Variants in LSS observed in about 807,000 individuals in gnomAD.
LSS encodes the protein 2,3-epoxysqualene-lanosterol cyclase.
In LSS, 90 loss-of-function variants were observed where a neutral mutation model predicts 110.3. The ratio of observed to expected loss-of-function variants is 0.82; its 90% CI spans 0.69 to 0.97. The LOEUF (loss-of-function observed/expected upper bound fraction) is 0.97, where lower values mean the gene tolerates loss of function less well. Among genes scored for constraint, LSS ranks in the 50% least tolerant of loss-of-function variants. The pLI is 0.00. For missense variants in LSS, 927 were observed against 990.0 expected (o/e 0.94, Z 0.85); for synonymous variants, 433 against 400.0 (o/e 1.08, Z -0.98).
Position 46,190,584 on chromosome 21 carries a change from C to A in LSS, c.*520G>T, listed in dbSNP as rs2079796023. On this transcript the variant is annotated 3_prime_UTR_variant, in exon 22 of 22. Transcript: ENST00000397728. This position sits in a 1 kb window ranked among gnomAD's most constrained non-coding sequence, Gnocchi z 4.6. ...GGCCTCAGGATGCTCCATGAGCAAC[C>A]CCCGCACTGGGCTATTCACGGATGC... 1 of 160,170 alleles carries A rather than the reference C, an allele frequency of 6.2e-6. No homozygotes were observed. The highest frequency in any genetic ancestry group is 5.8e-5 in the Admixed American group (1 of 17,128). 9.9% of individuals were successfully genotyped at this position (160,170 alleles called of 1,614,324 possible).
intron 14 of LSS, among the ~76,000 whole-genome samples, chr21:46,207,946 C>T (rs2080075461): frequency 6.6e-6 from 1 of 152,262 alleles, no homozygotes; most frequent in African/African-American, 2.4e-5. Context: ...TACTTCTTTC[C>T]TCTGCCTTCC....
intron 19 of LSS, 43 bp from the exon 20 acceptor site, chr21:46,194,704 G>A (rs1601413370): frequency 6.3e-7 from 1 of 1,576,696 alleles, no homozygotes. Context: ...ACCAAGGAAG[G>A]TCCCAGACCC....
Position 46,219,549 on chromosome 21 carries a change from A to AG in LSS, c.573dup (p.Trp192LeufsTer29). 1 of 1,601,464 alleles carries AG rather than the reference A, an allele frequency of 6.2e-7. No individual in the cohort carries two copies. The highest frequency in any genetic ancestry group is 8.5e-7 in the Non-Finnish European group (1 of 1,173,996). On this transcript the variant is annotated frameshift_variant, in exon 6 of 22. Coordinates refer to ENST00000397728, the MANE Select transcript of LSS (RefSeq NM_002340.6). LOFTEE classifies it high-confidence loss of function. Reference sequence around the variant, plus strand: ...AGGACAGCCAGCCAGAACTTCCCCCAGGAGGGGATGGCCACAGCACCACCT... The same window carrying AG: ...AGGACAGCCAGCCAGAACTTCCCCCAGGGAGGGGATGGCCACAGCACCACCT...
rs377016169 is a variant in LSS at position 46,206,714 on chromosome 21, C to T, written c.1522G>A (p.Gly508Arg). The T allele has an allele frequency of 3.1e-6, 5 of 1,613,134 alleles. No individual in the cohort carries two copies. Among genetic ancestry groups the T allele is most frequent in the African/African-American group, 1.3e-5 (1 of 75,040 alleles). ...TTCAGCAGCTCCAGCAAGTGCCCCC[C>T]ACGCTTGGTCTCATAGGTGGCGAAC... ...GGFATYETKR[G>R]GHLLELLNPS... is the part of the protein sequence containing the mutation. The change falls in exon 16 of 22, where the codon GGG becomes AGG. Residue 508 changes from glycine (G) to arginine (R), a missense_variant. By Grantham distance (125) the Gly-to-Arg change is moderately radical (BLOSUM62 -2). Transcript: ENST00000397728.
At chr21:46,204,536 C>T (rs187444275) in intron 17 of LSS, among the ~76,000 whole-genome samples, 33 of 150,156 alleles carry the variant, frequency 2.2e-4, no homozygotes, top group African/African-American at 7.6e-4. Flanking sequence ...CAGACTGATA[C>T]AAAAATGGAA....
At position 46,207,437 on chromosome 21, in the gene LSS, A is replaced by G. The variant is rs780562873; in HGVS notation, c.1458T>C (p.Ala486=). ...EHIPRERLCD[A]VAVLLNMRNP... ...GGGACCACAGCCTTACCACAGCCAC[A>G]GCATCGCAGAGCCGTTCTCTGGGGA... Residue 486 remains alanine (A), a synonymous_variant, in exon 15 of 22, where the codon GCT becomes GCC. Coordinates refer to ENST00000397728, the MANE Select transcript of LSS (RefSeq NM_002340.6). 27 of 1,612,170 alleles carry G rather than the reference A, an allele frequency of 1.7e-5. No individual in the cohort carries two copies. Among genetic ancestry groups the G allele is most frequent in the Non-Finnish European group, 3.4e-6 (4 of 1,179,614 alleles).
intron 5 of LSS, chr21:46,221,618 A>G: frequency 7.1e-6 from 4 of 560,546 alleles, no homozygotes; most frequent in Non-Finnish European, 1.3e-5. Context: ...TCAGTCTCCC[A>G]AAGTGCTGGA....
intron 17 of LSS, among the ~76,000 whole-genome samples, chr21:46,203,335 G>A (rs2080003762): frequency 6.6e-6 from 1 of 152,244 alleles, no homozygotes; most frequent in Admixed American, 6.5e-5. Flanking sequence ...TGCCATTACT[G>A]CTCGTGCTGG....
At chr21:46,222,049 G>C (rs1217144138) in intron 4 of LSS, 74 bp from the exon 5 acceptor site, 1 of 1,568,104 alleles carries the variant, frequency 6.4e-7, no homozygotes, top group African/African-American at 1.4e-5. Context: ...ACTTTCTGTG[G>C]AGTTTCCTCA....
chr21:46,195,682 C>T lies in LSS; in HGVS notation c.1811G>A (p.Arg604Gln), dbSNP rs1421986418. 5.0e-6 allele frequency: 8 copies of T among 1,613,746 alleles called. No homozygotes were observed. Among genetic ancestry groups the T allele is most frequent in the South Asian group, 1.1e-5 (1 of 91,092 alleles). The change falls in exon 19 of 22, where the codon CGA (arginine) becomes CAA (glutamine). Residue 604 changes from arginine to glutamine, a missense_variant. Arg to Gln is a conservative substitution (Grantham distance 43). Coordinates refer to ENST00000397728, the MANE Select transcript of LSS (RefSeq NM_002340.6). Reference sequence around the variant, plus strand: ...AGGACAGGCACTCACTCACCCATCTCGGTAGGTCTGCCCCATACAGGCGAA... The same window carrying T: ...AGGACAGGCACTCACTCACCCATCTTGGTAGGTCTGCCCCATACAGGCGAA... ...EAFACMGQTYRDGTACAEVSR... is the reference protein window; with the variant it reads ...EAFACMGQTYQDGTACAEVSR...
chr21:46,227,812 G>T, intron 2 of LSS, 122 bp from the exon 3 acceptor site: 1 of 1,163,078 alleles, frequency 8.6e-7, no homozygotes, highest in Non-Finnish European at 1.2e-6. Context: ...AAAAGTTTCA[G>T]CTGTTTCCAT....
Position 46,212,885 on chromosome 21 carries a change from G to A in LSS, c.1137+140C>T, listed in dbSNP as rs1000067711. 4 of 961,014 alleles carry A rather than the reference G, an allele frequency of 4.2e-6. No individual in the cohort carries two copies. In the African/African-American group the frequency reaches 6.5e-5, roughly 16 times the overall value. The allele number at this position is 961,014 out of a possible 1,614,324, so 59.5% of individuals were successfully genotyped here. A position where few individuals can be genotyped will look rare whatever the true frequency, so the allele number is the denominator to read the frequency against. ...CAGCACCCACAGGGACACGGCCAGAGGCCTCAACTGACTCAGCCTCTAGTC... is the reference window on the plus strand; with the variant it reads ...CAGCACCCACAGGGACACGGCCAGAAGCCTCAACTGACTCAGCCTCTAGTC... On this transcript the variant is annotated intron_variant, in intron 11 of 21. Coordinates refer to ENST00000397728, the MANE Select transcript of LSS (RefSeq NM_002340.6).
intron 6 of LSS, among the ~76,000 whole-genome samples, chr21:46,218,581 G>A (rs922500278): frequency 2.6e-5 from 4 of 151,952 alleles, no homozygotes; most frequent in Non-Finnish European, 4.4e-5. Flanking sequence ...CCCAAATCAC[G>A]CCACTGCACT....
chr21:46,193,620 CAT>C (rs1037824324), intron 20 of LSS: 2 of 433,780 alleles, frequency 4.6e-6, no homozygotes, highest in African/African-American at 4.6e-5. Context: ...TATGTGTGTG[CAT>C]AGACCTGTGT....
At chr21:46,208,489 AC>A (rs1475554391) in intron 13 of LSS, among the ~76,000 whole-genome samples, 188 bp from the exon 14 acceptor site, 1 of 152,150 alleles carries the variant, frequency 6.6e-6, no homozygotes, top group Admixed American at 6.5e-5. Context: ...TTAGCTCACC[AC>A]CCACAGCTGC....
At chr21:46,195,047 G>T (rs2079890661) in intron 19 of LSS, among the ~76,000 whole-genome samples, 1 of 152,200 alleles carries the variant, frequency 6.6e-6, no homozygotes, top group African/African-American at 2.4e-5. Flanking sequence ...TGGAGACAGG[G>T]CTGGGAGAGA....
rs367862427 is a variant in LSS at position 46,225,983 on chromosome 21, G to A, written c.319+1569C>T. On this transcript the variant is annotated intron_variant, in intron 3 of 21. Transcript: ENST00000397728. Reference sequence around the variant, plus strand: ...TTTATTTCTACAATCTCTCATCTCCGCACACAGGGAGAAAAACCTACCGAC... The same window carrying A: ...TTTATTTCTACAATCTCTCATCTCCACACACAGGGAGAAAAACCTACCGAC... 5.3e-5 allele frequency among the ~76,000 whole-genome samples: 8 copies of A among 151,898 alleles called. No individual in the cohort carries two copies. In the East Asian group the frequency reaches 7.7e-4, roughly 15 times the overall value.
Position 46,207,593 on chromosome 21 carries a change from C to T in LSS, c.1318-16G>A. 6.2e-7 allele frequency: 1 copy of T among 1,605,450 alleles called. No individual in the cohort carries two copies. Among genetic ancestry groups the T allele is most frequent in the Non-Finnish European group, 8.5e-7 (1 of 1,176,812 alleles). On this transcript the variant is annotated splice_polypyrimidine_tract_variant and intron_variant, in intron 14 of 21. Transcript: ENST00000397728. ...AGAAGCCACCCTGCAGAGCACAAGC[C>T]ATGACTCCAGGCTGGGGGTGTCCAC...
At position 46,216,194 on chromosome 21, in the gene LSS, A is replaced by G. The variant is rs2080204340; in HGVS notation, c.783+195T>C. Among the ~76,000 whole-genome samples, 1 of 152,178 alleles carries G rather than the reference A, an allele frequency of 6.6e-6. No homozygotes were observed. Among genetic ancestry groups the G allele is most frequent in the Admixed American group, 6.5e-5 (1 of 15,286 alleles). On this transcript the variant is annotated intron_variant, in intron 7 of 21. Coordinates refer to ENST00000397728, the MANE Select transcript of LSS (RefSeq NM_002340.6). This position sits in a 1 kb window ranked among gnomAD's most constrained non-coding sequence, Gnocchi z 4.2. ...GGGCTACAGCTACTGACTGTCCCAT[A>G]GCACAAGTCCCCTCTGGGCAGAGCT...
Sources: allele counts gnomAD v4.1 joint callset (sites outside exome capture counted in the v4.1 genomes callset), GRCh38; gene constraint gnomAD v4.1.1; non-coding constraint Gnocchi (gnomAD v3.1); transcripts MANE v1.5; gene names NCBI Gene and HGNC (gene_info 2026-07-23, HGNC 2026-07-21).